The following DCAF10 variants were observed in gnomAD, a reference collection of about 807,000 sequenced individuals.
The protein encoded by DCAF10 is DDB1- and CUL4-associated factor 10.
In DCAF10, 19 loss-of-function variants were observed where a neutral mutation model predicts 51.9. The ratio of observed to expected loss-of-function variants is 0.37; its 90% CI spans 0.26 to 0.54. The LOEUF is 0.54. DCAF10 is among the 20% of genes least tolerant of loss of function. The pLI, the probability that DCAF10 is intolerant of heterozygous loss-of-function variation, is 0.87. For missense variants in DCAF10, 510 were observed against 730.6 expected (o/e 0.70, Z 3.48); for synonymous variants, 291 against 297.1 (o/e 0.98, Z 0.21).
Position 37,854,941 on chromosome 9 carries a change from G to C in DCAF10, c.1013G>C (p.Ser338Thr). 6.2e-7 allele frequency: 1 copy of C among 1,613,514 alleles called. No homozygotes were observed. The highest frequency in any genetic ancestry group is 1.7e-5 in the Admixed American group (1 of 59,888). ...LDLTKSLEVG[S>T]YPILRARRTT... ...TTAACTAAGTCTTTAGAAGTAGGCA[G>C]CTATCCCATTTTAAGAGCAAGAAGA... The change falls in exon 4 of 7, where the codon AGC (serine) becomes ACC (threonine). Residue 338 changes from serine to threonine, a missense_variant. By Grantham distance (58) the Ser-to-Thr change is moderately conservative (BLOSUM62 1). Coordinates refer to ENST00000377724, the MANE Select transcript of DCAF10 (RefSeq NM_024345.5).
intron 2 of DCAF10, chr9:37,836,109 ATT>A (rs1830158213): frequency 3.2e-6 from 4 of 1,268,506 alleles, no homozygotes; most frequent in Non-Finnish European, 4.6e-6. Context: ...TGGTATCTCT[ATT>A]AAAGTACACG....
At chr9:37,808,570 A>G (rs1333198393) in intron 1 of DCAF10, among the ~76,000 whole-genome samples, 1 of 113,474 alleles carries the variant, frequency 8.8e-6, no homozygotes, top group East Asian at 2.2e-4. Context: ...TATAATACAT[A>G]ATATATAATA....
intron 5 of DCAF10, among the ~76,000 whole-genome samples, 154 bp from the exon 6 acceptor site, chr9:37,859,894 T>C (rs73646113): frequency 0.02 from 2,996 of 152,218 alleles, 101 homozygotes; most frequent in African/African-American, 0.068. Context: ...ACACCATACA[T>C]TGGGGAGTAC....
chr9:37,847,809 T>C (rs765994112), intron 3 of DCAF10, among the ~76,000 whole-genome samples: 2 of 152,132 alleles, frequency 1.3e-5, no homozygotes, highest in Non-Finnish European at 2.9e-5. Flanking sequence ...TTTAGTAAAT[T>C]CACAAGATAT....
chr9:37,852,930 T>TTATATATATA (rs59469290), intron 3 of DCAF10, among the ~76,000 whole-genome samples: 5,204 of 107,270 alleles, frequency 0.049, 236 homozygotes, highest in East Asian at 0.076. Context: ...GTATGTGAGG[T>TTATATATATA]TATATATATA....
intron 2 of DCAF10, among the ~76,000 whole-genome samples, chr9:37,819,891 G>T (rs906372667): frequency 6.6e-6 from 1 of 152,138 alleles, no homozygotes; most frequent in Non-Finnish European, 1.5e-5. Flanking sequence ...GAGTAGTTTG[G>T]TGATTAATAT....
rs374630221 is a variant in DCAF10 at position 37,809,654 on chromosome 9, G to A, written c.539+8249G>A. 1.0e-4 allele frequency among the ~76,000 whole-genome samples: 15 copies of A among 144,842 alleles called. No homozygotes were observed. In the East Asian group the frequency reaches 2.2e-3, roughly 21 times the overall value. ...TTCGAGACCAGCCTGGCTAACAGGC[G>A]AAGCCCTGACTCTACTCAAAATAAA... is the stretch of plus-strand genomic sequence containing the variant. On this transcript the variant is annotated intron_variant, in intron 1 of 6. Transcript: ENST00000377724.
chr9:37,836,464 TG>T, intron 2 of DCAF10: 1 of 1,223,688 alleles, frequency 8.2e-7, no homozygotes, highest in Non-Finnish European at 1.2e-6. Flanking sequence ...TATGTTTAAG[TG>T]GAGAGTGCTT....
At chr9:37,853,406 T>G (rs1468255918) in intron 3 of DCAF10, among the ~76,000 whole-genome samples, 1 of 49,306 alleles carries the variant, frequency 2.0e-5, no homozygotes, top group Non-Finnish European at 3.7e-5. Flanking sequence ...AGAGCAAAAC[T>G]CCATCTCAAA....
chr9:37,860,230 T>A (rs190947409), intron 6 of DCAF10, 37 bp downstream of exon 6: 2 of 1,611,660 alleles, frequency 1.2e-6, no homozygotes, highest in East Asian at 4.5e-5. Context: ...ACAGGGCTCA[T>A]TGGACAAATT....
intron 2 of DCAF10, among the ~76,000 whole-genome samples, chr9:37,834,794 C>CTTTTTTTT (rs372584446): frequency 0.15 from 21,298 of 143,628 alleles, 1,757 homozygotes; most frequent in African/African-American, 0.17. Context: ...CAATCACGTA[C>CTTTTTTTT]TTTTTTTTTT....
upstream of DCAF10, chr9:37,800,648 G>GTAAC (rs1491365474): frequency 6.5e-7 from 1 of 1,535,990 alleles, no homozygotes; most frequent in Non-Finnish European, 8.7e-7. Context: ...GCTCACACAG[G>GTAAC]TAACTACTCG....
chr9:37,859,113 T>C (rs1055279386), intron 5 of DCAF10, among the ~76,000 whole-genome samples: 2 of 152,250 alleles, frequency 1.3e-5, no homozygotes, highest in South Asian at 2.1e-4. Context: ...TATTTCAGTA[T>C]AGTTTTGTTA....
intron 1 of DCAF10, among the ~76,000 whole-genome samples, chr9:37,807,658 C>CTTTTTTTT (rs5897701): frequency 1.5e-4 from 11 of 72,516 alleles, no homozygotes; most frequent in Non-Finnish European, 2.6e-4. Flanking sequence ...CTTTTCTTTT[C>CTTTTTTTT]TTTTTTTTTT....
chr9:37,853,514 T>C (rs1449979443), intron 3 of DCAF10, among the ~76,000 whole-genome samples: 1 of 152,134 alleles, frequency 6.6e-6, no homozygotes, highest in Non-Finnish European at 1.5e-5. Context: ...AAAAAGATTG[T>C]TAAGCATGTA....
chr9:37,832,473 AT>A (rs920080229), intron 2 of DCAF10, among the ~76,000 whole-genome samples: 22 of 152,232 alleles, frequency 1.4e-4, no homozygotes, highest in African/African-American at 5.1e-4. Flanking sequence ...AAAAAAAAAA[AT>A]TGATACCCAT....
intron 3 of DCAF10, among the ~76,000 whole-genome samples, chr9:37,847,954 C>T (rs1830526669): frequency 1.3e-5 from 2 of 152,180 alleles, no homozygotes; most frequent in East Asian, 1.9e-4. Context: ...GAGATTTGTA[C>T]ACTGAAATCT....
intron 2 of DCAF10, among the ~76,000 whole-genome samples, chr9:37,828,074 G>A (rs1829904278): frequency 6.6e-6 from 1 of 152,054 alleles, no homozygotes; most frequent in Non-Finnish European, 1.5e-5. Context: ...TTTTTGTAGA[G>A]ACAGGGTCTT....
At chr9:37,828,333 A>G (rs138730077) in intron 2 of DCAF10, among the ~76,000 whole-genome samples, 19 of 147,606 alleles carry the variant, frequency 1.3e-4, no homozygotes, top group African/African-American at 4.4e-4. Flanking sequence ...AAAAACAAAT[A>G]TAAGTCTGCC....
Sources: allele counts gnomAD v4.1 joint callset (sites outside exome capture counted in the v4.1 genomes callset), GRCh38; gene constraint gnomAD v4.1.1; transcripts MANE v1.5; gene names NCBI Gene and HGNC (gene_info 2026-07-23, HGNC 2026-07-21).